The following COL2A1 variants were observed in gnomAD, a reference collection of about 807,000 sequenced individuals.
COL2A1 encodes the protein collagen type II alpha 1 chain.
Under a neutral mutation model 204.5 loss-of-function variants are expected in COL2A1, and 28 were observed. The ratio of observed to expected loss-of-function variants is 0.14; its 90% CI spans 0.10 to 0.19. COL2A1 has a LOEUF of 0.19. Ranked by LOEUF, COL2A1 falls within the 10% of genes least tolerant of loss-of-function variation. The probability of loss-of-function intolerance (pLI) is 1.00; values close to 1 mark genes in which losing one functional copy is unlikely to be tolerated. For missense variants in COL2A1, 1,388 were observed against 2,027.5 expected, an observed-to-expected ratio of 0.68 and a Z score of 6.06; for synonymous variants, 708 against 718.7, an observed-to-expected ratio of 0.99 and a Z score of 0.24.
Position 48,004,380 on chromosome 12 carries a change from G to T in COL2A1, c.-59C>A. On this transcript the variant is annotated 5_prime_UTR_variant, in exon 1 of 54. Transcript: ENST00000380518. Reference sequence around the variant, plus strand: ...GGCGGAGCGCAGCGAAACGGCAGGAGCACGGCGCGGGTCCGGGTCTCTACC... The same window carrying T: ...GGCGGAGCGCAGCGAAACGGCAGGATCACGGCGCGGGTCCGGGTCTCTACC... The T allele has an allele frequency of 9.3e-7, 1 of 1,079,902 alleles. No individual in the cohort carries two copies. The highest frequency in any genetic ancestry group is 1.4e-6 in the Non-Finnish European group (1 of 725,764). The allele number at this position is 1,079,902 out of a possible 1,614,324, so 66.9% of individuals were successfully genotyped here.
chr12:47,986,231 C>T lies in COL2A1; in HGVS notation c.1527+105G>A, dbSNP rs1939398082. 1.4e-5 allele frequency: 12 copies of T among 839,706 alleles called. No individual in the cohort carries two copies. In the South Asian group the frequency reaches 1.7e-4, roughly 12 times the overall value. The allele number at this position is 839,706 out of a possible 1,614,324, so 52.0% of individuals were successfully genotyped here. On this transcript the variant is annotated intron_variant, in intron 23 of 53. Transcript: ENST00000380518. Reference sequence around the variant, plus strand: ...TGTGGATGGAGAAAGAGGAGGATGACATGCGGAAAAGTCACGAGACTTGAC... The same window carrying T: ...TGTGGATGGAGAAAGAGGAGGATGATATGCGGAAAAGTCACGAGACTTGAC...
At position 47,975,528 on chromosome 12, in the gene COL2A1, G is replaced by A. The variant is rs765111818; in HGVS notation, c.3675C>T (p.Gly1225=). ...CGGGGCCCTTCTCTCTCGGGCCTAA[G>A]CCAGCAAAGGCGGACATGTCGATGC... ...GPGIDMSAFA[G]LGPREKGPDP... is the part of the protein sequence containing the mutation. Residue 1225 remains glycine, a synonymous_variant, in exon 51 of 54, where the codon GGC becomes GGT. Coordinates refer to ENST00000380518, the MANE Select transcript of COL2A1 (RefSeq NM_001844.5). 8 of 1,608,348 alleles carry A rather than the reference G, an allele frequency of 5.0e-6. No individual in the cohort carries two copies. The highest frequency in any genetic ancestry group is 1.7e-5 in the Admixed American group (1 of 59,998).
chr12:47,987,736 G>T lies in COL2A1; in HGVS notation c.1123-27C>A, dbSNP rs1392854627. ...TGGGAAGAGACAGGGAGGATGAAAT[G>T]AAGAAGAAGAGAGGGGACACAGACC... On this transcript the variant is annotated intron_variant, in intron 18 of 53. Coordinates refer to ENST00000380518, the MANE Select transcript of COL2A1 (RefSeq NM_001844.5). The surrounding 1 kb of genome is among the most constrained non-coding windows in gnomAD (Gnocchi z 4.1). 1 of 1,569,906 alleles carries T rather than the reference G, an allele frequency of 6.4e-7. No homozygotes were observed. The highest frequency in any genetic ancestry group is 1.7e-5 in the Admixed American group (1 of 58,230).
chr12:47,990,741 G>C (rs1178981429), intron 16 of COL2A1, among the ~76,000 whole-genome samples: 1 of 152,226 alleles, frequency 6.6e-6, no homozygotes, highest in Non-Finnish European at 1.5e-5. Context: ...TCCTTCTCTA[G>C]GACTGGACTT....
At position 47,987,921 on chromosome 12, in the gene COL2A1, T is replaced by C. The variant is rs749696851; in HGVS notation, c.1123-212A>G. On this transcript the variant is annotated intron_variant, in intron 18 of 53. Coordinates refer to ENST00000380518, the MANE Select transcript of COL2A1 (RefSeq NM_001844.5). The surrounding 1 kb of genome is among the most constrained non-coding windows in gnomAD (Gnocchi z 4.1). ...TGATGACTTGATGACTTCCCACGCC[T>C]GCCTCCTCTACTGCTTACCTCATCT... is the stretch of plus-strand genomic sequence containing the variant. Among the ~76,000 whole-genome samples the C allele has an allele frequency of 1.3e-5, 2 of 152,128 alleles. No homozygotes were observed. The highest frequency in any genetic ancestry group is 2.9e-5 in the Non-Finnish European group (2 of 68,032).
intron 37 of COL2A1, 34 bp from the exon 38 acceptor site, chr12:47,981,002 C>T (rs1206481767): frequency 8.4e-6 from 13 of 1,544,924 alleles, no homozygotes; most frequent in Non-Finnish European, 1.1e-5. Context: ...AGAGGTCAGG[C>T]CCCGCTGCCT....
intron 2 of COL2A1, chr12:47,999,685 G>T (rs2136635646): frequency 2.7e-6 from 1 of 376,544 alleles, no homozygotes; most frequent in Non-Finnish European, 4.6e-6. Context: ...ATGTGTCTTG[G>T]AAGCAAATGT....
In COL2A1 at chr12:47,979,432, A is replaced by C; in HGVS notation, c.2733+79T>G. On this transcript the variant is annotated intron_variant, in intron 41 of 53. Transcript: ENST00000380518. ...CTCAGAGGAGTGAAGGCCAGCCTGG[A>C]GCTCTCCAGACCCTGTTGGGTGCTG... 8 of 1,458,320 alleles carry C rather than the reference A, an allele frequency of 5.5e-6. No individual in the cohort carries two copies. In the South Asian group the frequency reaches 9.1e-5, roughly 17 times the overall value. The allele number at this position is 1,458,320 out of a possible 1,614,324, so 90.3% of individuals were successfully genotyped here. A position where few individuals can be genotyped will look rare whatever the true frequency, so the allele number is the denominator to read the frequency against.
At position 47,993,982 on chromosome 12, in the gene COL2A1, C is replaced by G. The variant is rs373679402; in HGVS notation, c.870+12G>C. The G allele has an allele frequency of 1.2e-6, 2 of 1,614,124 alleles. No homozygotes were observed. The highest frequency in any genetic ancestry group is 2.2e-5 in the East Asian group (1 of 44,886). ...ATCTCTTCCTTCCAACCTTCTCACC[C>G]GTGATACTTACTCTGTGACCTTTGA... On this transcript the variant is annotated intron_variant, in intron 13 of 53. Transcript: ENST00000380518.
At position 47,987,231 on chromosome 12, in the gene COL2A1, G is replaced by T; in HGVS notation, c.1266+38C>A. 1 of 1,612,042 alleles carries T rather than the reference G, an allele frequency of 6.2e-7. No homozygotes were observed. Among genetic ancestry groups the T allele is most frequent in the Non-Finnish European group, 8.5e-7 (1 of 1,178,146 alleles). On this transcript the variant is annotated intron_variant, in intron 20 of 53. Coordinates refer to ENST00000380518, the MANE Select transcript of COL2A1 (RefSeq NM_001844.5). This position sits in a 1 kb window ranked among gnomAD's most constrained non-coding sequence, Gnocchi z 4.1. ...CAGGAGAGGGGAGAGGCAGGACTGG[G>T]CTCTCCTGGGGTAGCAAAGTCCACG...
chr12:47,995,973 C>T, intron 8 of COL2A1, 54 bp from the exon 9 acceptor site: 1 of 1,426,982 alleles, frequency 7.0e-7, no homozygotes, highest in Non-Finnish European at 9.9e-7. Context: ...TCAGTGGCCT[C>T]CAGTGTGCCA....
Position 47,980,413 on chromosome 12 carries a change from CCA to C in COL2A1, c.2625+139_2625+140del. On this transcript the variant is annotated intron_variant, in intron 39 of 53. Coordinates refer to ENST00000380518, the MANE Select transcript of COL2A1 (RefSeq NM_001844.5). The surrounding 1 kb of genome is among the most constrained non-coding windows in gnomAD (Gnocchi z 4.5). Reference sequence around the variant, plus strand: ...ACACCCCACCCACACAGCCCACATGCCACATGGAAGCTCCTTCTACCAACATG... The same window carrying C: ...ACACCCCACCCACACAGCCCACATGCCATGGAAGCTCCTTCTACCAACATG... The C allele has an allele frequency of 1.2e-6, 1 of 813,812 alleles. No individual in the cohort carries two copies. The highest frequency in any genetic ancestry group is 2.1e-6 in the Non-Finnish European group (1 of 481,152). 50.4% of individuals were successfully genotyped at this position (813,812 alleles called of 1,614,324 possible). A position where few individuals can be genotyped will look rare whatever the true frequency, so the allele number is the denominator to read the frequency against.
rs1243950495 is a variant in COL2A1, at chr12:47,982,521, G to A, written c.2282C>T (p.Ala761Val). ...ACTTACCCTGTCGCCTTTGGGCCCA[G>A]CGATACCAGCTGCTCCCCTCTCGCC... ...MPGERGAAGI[A>V]GPKGDRGDVG... The change falls in exon 34 of 54, where the codon GCT (alanine) becomes GTT (valine). Residue 761 changes from alanine (A) to valine (V), a missense_variant. By Grantham distance (64) the Ala-to-Val change is moderately conservative. This residue lies in a region of COL2A1 where 884 missense variants were observed against 1,415.8 expected (regional missense o/e 0.62). Transcript: ENST00000380518. 1.9e-6 allele frequency: 3 copies of A among 1,613,702 alleles called. No homozygotes were observed. In the African/African-American group the frequency reaches 4.0e-5, roughly 22 times the overall value.
In COL2A1 at chr12:47,976,281, G is replaced by T. The variant is rs1384141939; in HGVS notation, c.3490-211C>A. Among the ~76,000 whole-genome samples the T allele has an allele frequency of 6.6e-6, 1 of 151,314 alleles. No individual in the cohort carries two copies. Among genetic ancestry groups the T allele is most frequent in the Non-Finnish European group, 1.5e-5 (1 of 68,030 alleles). Reference sequence around the variant, plus strand: ...TGCCTACCCTCCTAAGCTCCTCTTTGTAAAATGCTGTTCTGTCTGACAGCG... The same window carrying T: ...TGCCTACCCTCCTAAGCTCCTCTTTTTAAAATGCTGTTCTGTCTGACAGCG... On this transcript the variant is annotated intron_variant, in intron 49 of 53. Coordinates refer to ENST00000380518, the MANE Select transcript of COL2A1 (RefSeq NM_001844.5). The surrounding 1 kb of genome is among the most constrained non-coding windows in gnomAD (Gnocchi z 4.3).
In COL2A1 at chr12:47,987,530, C is replaced by A. The variant is rs1939492469; in HGVS notation, c.1221+81G>T. 6 of 1,308,860 alleles carry A rather than the reference C, an allele frequency of 4.6e-6. No homozygotes were observed. In the South Asian group the frequency reaches 7.5e-5, roughly 16 times the overall value. The allele number at this position is 1,308,860 out of a possible 1,614,324, so 81.1% of individuals were successfully genotyped here. ...AAGGTTTGGTGGTTGGAGCCCACAA[C>A]TGTCAGAGCAAAGTACAGAGTCAAG... On this transcript the variant is annotated intron_variant, in intron 19 of 53. Transcript: ENST00000380518. The surrounding 1 kb of genome is among the most constrained non-coding windows in gnomAD (Gnocchi z 4.1).
Position 47,987,457 on chromosome 12 carries a change from A to C in COL2A1, c.1222-144T>G. 8 of 1,060,002 alleles carry C rather than the reference A, an allele frequency of 7.5e-6. No homozygotes were observed. Among genetic ancestry groups the C allele is most frequent in the Admixed American group, 3.9e-5 (2 of 50,644 alleles). 65.7% of individuals were successfully genotyped at this position (1,060,002 alleles called of 1,614,324 possible). A position where few individuals can be genotyped will look rare whatever the true frequency, so the allele number is the denominator to read the frequency against. On this transcript the variant is annotated intron_variant, in intron 19 of 53. Coordinates refer to ENST00000380518, the MANE Select transcript of COL2A1 (RefSeq NM_001844.5). The surrounding 1 kb of genome is among the most constrained non-coding windows in gnomAD (Gnocchi z 4.1). ...CTATGTGTTTCAAGGGGAAGATGGGATAGAAGGGAATACATCTAGAGGTGG... is the reference window on the plus strand; with the variant it reads ...CTATGTGTTTCAAGGGGAAGATGGGCTAGAAGGGAATACATCTAGAGGTGG...
chr12:47,990,870 C>T (rs1045774447), intron 16 of COL2A1, among the ~76,000 whole-genome samples: 3 of 152,184 alleles, frequency 2.0e-5, no homozygotes, highest in African/African-American at 7.2e-5. Flanking sequence ...CTGGGTGGAG[C>T]TGGGCCTAGG....
chr12:47,974,304 G>A lies in COL2A1; in HGVS notation c.4102C>T (p.Pro1368Ser), dbSNP rs775650170. 12 of 1,614,114 alleles carry A rather than the reference G, an allele frequency of 7.4e-6. No individual in the cohort carries two copies. The Admixed American group carries it at 8.3e-5, about 11-fold the overall frequency. The change falls in exon 53 of 54, where the codon CCC becomes TCC. Residue 1368 changes from proline to serine, a missense_variant. Pro to Ser is a moderately conservative substitution (Grantham distance 74). Around this residue, in one of 3 missense-constraint regions of COL2A1, gnomAD observed 303 missense variants for 369.2 expected, o/e 0.82. Transcript: ENST00000380518. The part of the protein sequence containing the change: ...HFSYGDDNLA[P>S]NTANVQMTFL... Reference sequence around the variant, plus strand: ...GTCATCTGGACGTTGGCAGTGTTGGGAGCCAGATTGTCATCTCCATAGCTG... The same window carrying A: ...GTCATCTGGACGTTGGCAGTGTTGGAAGCCAGATTGTCATCTCCATAGCTG...
intron 27 of COL2A1, 45 bp downstream of exon 27, chr12:47,984,950 G>T: frequency 6.6e-7 from 1 of 1,516,216 alleles, no homozygotes; most frequent in East Asian, 2.3e-5. Flanking sequence ...CAGGGAGGTA[G>T]GTAGCACCAC....
Sources: allele counts gnomAD v4.1 joint callset (sites outside exome capture counted in the v4.1 genomes callset), GRCh38; gene constraint gnomAD v4.1.1; regional missense constraint gnomAD v4.1.1; non-coding constraint Gnocchi (gnomAD v3.1); transcripts MANE v1.5; gene names NCBI Gene and HGNC (gene_info 2026-07-23, HGNC 2026-07-21).